LSAMP: variants seen among roughly 807,000 people sequenced by gnomAD.
LSAMP encodes limbic system-associated membrane protein.
Under a neutral mutation model 38.6 loss-of-function variants are expected in LSAMP, and 7 were observed. That is an observed-to-expected ratio of 0.18 (90% CI 0.10 to 0.34). The LOEUF (loss-of-function observed/expected upper bound fraction) is 0.34, where lower values mean the gene tolerates loss of function less well. LSAMP is among the 10% of genes least tolerant of loss of function. The pLI, the probability that LSAMP is intolerant of heterozygous loss-of-function variation, is 1.00. For missense variants in LSAMP, 313 were observed against 420.0 expected, an observed-to-expected ratio of 0.75 and a Z score of 2.23; for synonymous variants, 154 against 166.8, an observed-to-expected ratio of 0.92 and a Z score of 0.59.
intron 3 of LSAMP, among the ~76,000 whole-genome samples, chr3:115,853,650 A>C (rs1342865530): frequency 6.6e-6 from 1 of 152,158 alleles, no homozygotes; most frequent in Non-Finnish European, 1.5e-5. Context: ...GAGAAGGTGA[A>C]AGAGGAAAGA....
intron 1 of LSAMP, among the ~76,000 whole-genome samples, chr3:116,417,214 C>T (rs1399850519): frequency 6.6e-6 from 1 of 152,116 alleles, no homozygotes; most frequent in Non-Finnish European, 1.5e-5. Context: ...ATAAATTAAG[C>T]CCAAAATCTG....
chr3:116,055,119 A>G (rs1016048160), intron 2 of LSAMP, among the ~76,000 whole-genome samples: 6 of 152,034 alleles, frequency 3.9e-5, no homozygotes, highest in African/African-American at 1.4e-4. Context: ...TCACACCTCA[A>G]TTTTTCTGTG....
intron 1 of LSAMP, among the ~76,000 whole-genome samples, chr3:116,373,114 A>G (rs2048451498): frequency 6.6e-6 from 1 of 151,632 alleles, no homozygotes; most frequent in African/African-American, 2.4e-5. Flanking sequence ...ATATATTTGT[A>G]TACCCACGTT....
intron 1 of LSAMP, among the ~76,000 whole-genome samples, chr3:116,252,618 G>T (rs1261780373): frequency 1.3e-5 from 2 of 152,118 alleles, no homozygotes; most frequent in Non-Finnish European, 2.9e-5. Flanking sequence ...GAATTCTCGT[G>T]ATTCTAAGTG....
intron 3 of LSAMP, among the ~76,000 whole-genome samples, chr3:115,891,128 G>A (rs530009946): frequency 2.0e-4 from 31 of 152,016 alleles, no homozygotes; most frequent in African/African-American, 7.0e-4. Flanking sequence ...GGAAGGCTGG[G>A]AACCAGAGGC....
chr3:116,332,183 A>C (rs931479881), intron 1 of LSAMP, among the ~76,000 whole-genome samples: 2 of 152,242 alleles, frequency 1.3e-5, no homozygotes, highest in East Asian at 3.9e-4. Flanking sequence ...TGATTTCTGC[A>C]TGATAGAAAT....
chr3:116,290,050 T>G (rs1324230065), intron 1 of LSAMP, among the ~76,000 whole-genome samples: 2 of 152,240 alleles, frequency 1.3e-5, no homozygotes, highest in African/African-American at 4.8e-5. Flanking sequence ...ATGGCTACTC[T>G]GATTGATTAG....
intron 3 of LSAMP, among the ~76,000 whole-genome samples, chr3:115,945,049 C>T (rs113322767): frequency 1.3e-5 from 2 of 152,110 alleles, no homozygotes; most frequent in Non-Finnish European, 2.9e-5. Context: ...ATCCCTCTAA[C>T]CAGATATGGA....
chr3:116,305,819 T>C (rs867758586), intron 1 of LSAMP, among the ~76,000 whole-genome samples: 1 of 151,992 alleles, frequency 6.6e-6, no homozygotes, highest in South Asian at 2.1e-4. Context: ...TATATTACAA[T>C]AGATTGAAGT....
At chr3:116,082,595 G>A (rs148937203) in intron 2 of LSAMP, among the ~76,000 whole-genome samples, 58 of 152,210 alleles carry the variant, frequency 3.8e-4, no homozygotes, top group African/African-American at 1.2e-3. Flanking sequence ...GCAAATGTTC[G>A]TTGCGGCACT....
chr3:116,306,487 C>T (rs527428043), intron 1 of LSAMP, among the ~76,000 whole-genome samples: 66 of 152,056 alleles, frequency 4.3e-4, no homozygotes, highest in African/African-American at 1.3e-3. Flanking sequence ...ATGGGAATGA[C>T]GGAGTGAAGA....
chr3:115,940,076 A>T (rs1937859694), intron 3 of LSAMP, among the ~76,000 whole-genome samples: 1 of 151,094 alleles, frequency 6.6e-6, no homozygotes, highest in Non-Finnish European at 1.5e-5. Flanking sequence ...ATGGTGGCGC[A>T]TCTGGAGTTG....
chr3:116,175,606 G>A (rs576132784), intron 1 of LSAMP, among the ~76,000 whole-genome samples: 1 of 152,094 alleles, frequency 6.6e-6, no homozygotes, highest in African/African-American at 2.4e-5. Context: ...CAATGTAGGA[G>A]AGGTGTACAC....
chr3:116,248,689 G>T (rs2046635532), intron 1 of LSAMP, among the ~76,000 whole-genome samples: 2 of 152,048 alleles, frequency 1.3e-5, no homozygotes. Context: ...GGAACATTTT[G>T]GCCTTCATCT....
intron 6 of LSAMP, among the ~76,000 whole-genome samples, chr3:115,819,627 T>A (rs1340532598): frequency 1.3e-5 from 2 of 152,104 alleles, no homozygotes; most frequent in Admixed American, 1.3e-4. Flanking sequence ...AAGAAGCATA[T>A]AAAAAATTCC....
chr3:115,920,383 T>C (rs1410071264), intron 3 of LSAMP, among the ~76,000 whole-genome samples: 2 of 152,180 alleles, frequency 1.3e-5, no homozygotes, highest in Non-Finnish European at 2.9e-5. Flanking sequence ...CTCTCTCTCT[T>C]TTTTTAATAT....
At chr3:116,406,117 C>T (rs1471550490) in intron 1 of LSAMP, among the ~76,000 whole-genome samples, 3 of 151,802 alleles carry the variant, frequency 2.0e-5, no homozygotes, top group Non-Finnish European at 2.9e-5. Context: ...GTACATCTGC[C>T]AAAAAAATTA....
At chr3:115,968,630 C>T (rs1007514820) in intron 3 of LSAMP, among the ~76,000 whole-genome samples, 1 of 152,154 alleles carries the variant, frequency 6.6e-6, no homozygotes. Context: ...AGGAGTCTCT[C>T]CCAGAGCTGT....
intron 1 of LSAMP, among the ~76,000 whole-genome samples, chr3:116,348,133 A>G (rs545952605): frequency 3.3e-5 from 5 of 152,186 alleles, no homozygotes; most frequent in African/African-American, 1.2e-4. Context: ...CAGTCACCCT[A>G]AGGATAGAAA....
Sources: allele counts gnomAD v4.1 joint callset (sites outside exome capture counted in the v4.1 genomes callset), GRCh38; gene constraint gnomAD v4.1.1; transcripts MANE v1.5; gene names NCBI Gene and HGNC (gene_info 2026-07-23, HGNC 2026-07-21).